IYD: variants seen among roughly 807,000 people sequenced by gnomAD.
IYD encodes iodotyrosine deiodinase, also known as iodotyrosine deiodinase 1.
Under a neutral mutation model 28.4 loss-of-function variants are expected in IYD, and 25 were observed. That is an observed-to-expected ratio of 0.88 (90% CI 0.64 to 1.23). The LOEUF is 1.23. IYD is among the 50% of genes most tolerant of loss of function. The pLI, the probability that IYD is intolerant of heterozygous loss-of-function variation, is 0.00. For missense variants in IYD, 352 were observed against 357.9 expected, an observed-to-expected ratio of 0.98 and a Z score of 0.13; for synonymous variants, 140 against 130.8, an observed-to-expected ratio of 1.07 and a Z score of -0.48.
intron 1 of IYD, among the ~76,000 whole-genome samples, chr6:150,387,316 C>T (rs1324243759): frequency 3.3e-5 from 5 of 151,862 alleles, no homozygotes; most frequent in South Asian, 2.1e-4. Context: ...CTCCCAGCTA[C>T]TCAGGAGGCT....
At chr6:150,370,438 A>T in intron 1 of IYD, 4 of 956,682 alleles carry the variant, frequency 4.2e-6, no homozygotes, top group Non-Finnish European at 5.0e-6. Context: ...TGTTTGTGAG[A>T]GAGTGTGTGC....
intron 3 of IYD, 129 bp from the exon 4 acceptor site, chr6:150,393,970 T>C: frequency 1.0e-6 from 1 of 981,656 alleles, no homozygotes; most frequent in Non-Finnish European, 1.5e-6. Context: ...ACAAAAATTC[T>C]GCAGCTTTTC....
At chr6:150,374,101 C>T (rs1339107) in intron 1 of IYD, among the ~76,000 whole-genome samples, 1 of 152,142 alleles carries the variant, frequency 6.6e-6, no homozygotes, top group Admixed American at 6.5e-5. Context: ...CTTCACTCCA[C>T]TGCTTTGGAG....
rs1226609067 is a variant in IYD, at chr6:150,403,990, G to T, written c.*5753G>T. ...TACTTGGGAGGTAACTGGAATAAAG[G>T]TTCTAAAATCAAAACCCTCTGAAGG... On this transcript the variant is annotated 3_prime_UTR_variant, in exon 5 of 5. Transcript: ENST00000344419. 3 of 152,166 alleles carry T rather than the reference G, an allele frequency of 2.0e-5. No homozygotes were observed. The highest frequency in any genetic ancestry group is 2.1e-4 in the South Asian group (1 of 4,826). 9.4% of individuals were successfully genotyped at this position (152,166 alleles called of 1,614,324 possible).
rs1778622056 is a variant in IYD, at chr6:150,405,679, T to A, written c.*7442T>A. The A allele has an allele frequency of 6.6e-6, 1 of 152,282 alleles. No homozygotes were observed. The highest frequency in any genetic ancestry group is 2.4e-5 in the African/African-American group (1 of 41,558). 9.4% of individuals were successfully genotyped at this position (152,282 alleles called of 1,614,324 possible). On this transcript the variant is annotated 3_prime_UTR_variant, in exon 5 of 5. Transcript: ENST00000344419. The stretch of plus-strand genomic sequence containing the variant: ...GAGAACTCACTCATTCTCATGAGAA[T>A]AACATGGGGGAAACTGCCCCCATTA...
chr6:150,392,692 T>C (rs1778168337), intron 3 of IYD, among the ~76,000 whole-genome samples, 188 bp downstream of exon 3: 1 of 152,230 alleles, frequency 6.6e-6, no homozygotes, highest in South Asian at 2.1e-4. Flanking sequence ...AAATAGGCTC[T>C]GACTCAATTA....
At chr6:150,369,919 T>C in intron 1 of IYD, 10 of 697,744 alleles carry the variant, frequency 1.4e-5, no homozygotes, top group Non-Finnish European at 2.4e-5. Context: ...AAGTGGAGAA[T>C]TGAGGGTGGA....
In IYD at chr6:150,398,109, A is replaced by G; in HGVS notation, c.742A>G (p.Arg248Gly). Residue 248 changes from arginine to glycine, a missense_variant, in exon 5 of 5, where the codon AGG (arginine) becomes GGG (glycine). Physicochemically the swap from Arg to Gly is moderately radical, Grantham distance 125. Transcript: ENST00000344419. The stretch of plus-strand genomic sequence containing the variant: ...TCCTCTCAACTGTGGCCCTCGACTG[A>G]GGGTGCTCCTGGGCCGCCCCGCACA... ...TTPLNCGPRL[R>G]VLLGRPAHEK... 2 of 1,614,166 alleles carry G rather than the reference A, an allele frequency of 1.2e-6. No homozygotes were observed. The highest frequency in any genetic ancestry group is 1.1e-5 in the South Asian group (1 of 91,078).
At chr6:150,370,498 C>A in intron 1 of IYD, 1 of 985,392 alleles carries the variant, frequency 1.0e-6, no homozygotes, top group Non-Finnish European at 1.2e-6. Flanking sequence ...GTCCAGCTGG[C>A]TCTCAGTGCT....
rs528014905 is a variant in IYD at position 150,376,620 on chromosome 6, C to T, written c.178+7411C>T. Among the ~76,000 whole-genome samples the T allele has an allele frequency of 3.3e-5, 5 of 151,470 alleles. No homozygotes were observed. The South Asian group carries it at 1.0e-3, about 31-fold the overall frequency. Reference sequence around the variant, plus strand: ...GGATCTTAAGACAATTACATTTCTTCATCTTCTTCTTTTCTTTTCTTAATA... The same window carrying T: ...GGATCTTAAGACAATTACATTTCTTTATCTTCTTCTTTTCTTTTCTTAATA... On this transcript the variant is annotated intron_variant, in intron 1 of 4. Transcript: ENST00000344419.
At chr6:150,370,219 G>A (rs985611815) in intron 1 of IYD, among the ~76,000 whole-genome samples, 6 of 140,538 alleles carry the variant, frequency 4.3e-5, no homozygotes, top group Non-Finnish European at 7.4e-5. Flanking sequence ...GTGTGTGTGC[G>A]CGTGCGTGTG....
intron 1 of IYD, among the ~76,000 whole-genome samples, chr6:150,385,567 T>TG (rs1460613277): frequency 1.4e-4 from 9 of 65,560 alleles, no homozygotes; most frequent in Non-Finnish European, 2.6e-4. Context: ...GGCCAAGATG[T>TG]ATTTTTTTTT....
chr6:150,397,047 C>A (rs1778349929), intron 4 of IYD, among the ~76,000 whole-genome samples: 1 of 144,610 alleles, frequency 6.9e-6, no homozygotes, highest in Admixed American at 6.7e-5. Context: ...ATTGTGAAAT[C>A]TTCGTTAATC....
intron 1 of IYD, among the ~76,000 whole-genome samples, 154 bp downstream of exon 1, chr6:150,369,363 C>G (rs1422992885): frequency 1.3e-5 from 2 of 151,940 alleles, no homozygotes; most frequent in Non-Finnish European, 2.9e-5. Flanking sequence ...TTGGCACAGA[C>G]AGGTCATCTC....
chr6:150,372,822 C>G (rs185350376), intron 1 of IYD, among the ~76,000 whole-genome samples: 4 of 152,008 alleles, frequency 2.6e-5, no homozygotes, highest in Admixed American at 6.5e-5. Flanking sequence ...ATGTAGGGTA[C>G]AGTCTCCCTT....
chr6:150,376,777 C>A (rs1777458947), intron 1 of IYD, among the ~76,000 whole-genome samples: 1 of 152,056 alleles, frequency 6.6e-6, no homozygotes, highest in Admixed American at 6.6e-5. Flanking sequence ...AGGCACACAC[C>A]ACCATGCCTA....
intron 1 of IYD, among the ~76,000 whole-genome samples, chr6:150,371,347 GACCCAAGCCA>G (rs1777234286): frequency 1.3e-5 from 2 of 152,168 alleles, no homozygotes; most frequent in Non-Finnish European, 2.9e-5. Flanking sequence ...GCAGAGATAG[GACCCAAGCCA>G]GCTGTTTGCT....
At chr6:150,387,541 C>A (rs1777920814) in intron 1 of IYD, among the ~76,000 whole-genome samples, 1 of 151,896 alleles carries the variant, frequency 6.6e-6, no homozygotes, top group Admixed American at 6.5e-5. Context: ...TTGCCTCCAC[C>A]ATATACTCTT....
At chr6:150,370,383 G>A (rs1030660047) in intron 1 of IYD, 1 of 548,212 alleles carries the variant, frequency 1.8e-6, no homozygotes, top group Non-Finnish European at 2.3e-6. Flanking sequence ...GCATGCATGA[G>A]TTTGTGTGTG....
Sources: allele counts gnomAD v4.1 joint callset (sites outside exome capture counted in the v4.1 genomes callset), GRCh38; gene constraint gnomAD v4.1.1; transcripts MANE v1.5; gene names NCBI Gene and HGNC (gene_info 2026-07-23, HGNC 2026-07-21).